SMYD3: variants seen among roughly 807,000 people sequenced by gnomAD.
The protein encoded by SMYD3 is histone-lysine N-methyltransferase SMYD3.
A neutral mutation model predicts 57.7 loss-of-function variants in SMYD3; 36 were observed. The observed-to-expected ratio is 0.62, with a 90% CI of 0.48 to 0.82. The LOEUF is 0.82. SMYD3 is among the 40% of genes least tolerant of loss of function. The pLI, the probability that SMYD3 is intolerant of heterozygous loss-of-function variation, is 0.00. For synonymous variants in SMYD3, 211 were observed against 195.0 expected (o/e 1.08, Z -0.68); for missense variants, 515 against 538.8 (o/e 0.96, Z 0.44).
chr1:245,768,358 C>T lies in SMYD3; in HGVS notation c.1077-4209G>A, dbSNP rs146030986. Among the ~76,000 whole-genome samples the T allele has an allele frequency of 4.2e-3, 638 of 152,312 alleles. 3 individuals carry two copies. The highest frequency in any genetic ancestry group is 0.015 in the African/African-American group (615 of 41,576). On this transcript the variant is annotated intron_variant, in intron 10 of 11. Coordinates refer to ENST00000490107, the MANE Select transcript of SMYD3 (RefSeq NM_001167740.2). ...ACCAAGATCTTACTGATATATTTTA[C>T]AGGGAGGCTGAAAGTCAGGGAACTG... is the stretch of plus-strand genomic sequence containing the variant.
chr1:245,814,886 G>GCA (rs2048713021), intron 10 of SMYD3, among the ~76,000 whole-genome samples: 1 of 150,180 alleles, frequency 6.7e-6, no homozygotes, highest in Admixed American at 6.6e-5. Context: ...ACGCACACAC[G>GCA]CATGCACACA....
rs973981042 is a variant in SMYD3 at position 246,355,644 on chromosome 1, T to C, written c.165-550A>G. On this transcript the variant is annotated intron_variant, in intron 1 of 11. Coordinates refer to ENST00000490107, the MANE Select transcript of SMYD3 (RefSeq NM_001167740.2). The surrounding 1 kb of genome is among the most constrained non-coding windows in gnomAD (Gnocchi z 5.0). ...CCAGCCTTTAGGACTGCGGGCTGTGTGGGAGTGGGATGAGGCCTGTGACTG... is the reference window on the plus strand; with the variant it reads ...CCAGCCTTTAGGACTGCGGGCTGTGCGGGAGTGGGATGAGGCCTGTGACTG... Among the ~76,000 whole-genome samples, 2 of 152,074 alleles carry C rather than the reference T, an allele frequency of 1.3e-5. No homozygotes were observed. Among genetic ancestry groups the C allele is most frequent in the African/African-American group, 2.4e-5 (1 of 41,398 alleles).
intron 8 of SMYD3, among the ~76,000 whole-genome samples, chr1:245,872,208 TAAAAG>T (rs1357574402): frequency 1.3e-5 from 2 of 152,266 alleles, no homozygotes; most frequent in African/African-American, 4.8e-5. Context: ...AAATTGGCTT[TAAAAG>T]GTTATTTTTT....
Position 246,247,449 on chromosome 1 carries a change from C to A in SMYD3, c.531+79752G>T, listed in dbSNP as rs1230384739. 0.02 allele frequency among the ~76,000 whole-genome samples: 1,729 copies of A among 86,272 alleles called. 135 individuals are homozygous for A. In the East Asian group the frequency reaches 0.4, roughly 20 times the overall value. 56.6% of individuals were successfully genotyped at this position (86,272 alleles called of 152,430 possible). On this transcript the variant is annotated intron_variant, in intron 5 of 11. Coordinates refer to ENST00000490107, the MANE Select transcript of SMYD3 (RefSeq NM_001167740.2). Reference sequence around the variant, plus strand: ...GTTTAAGAAAGAGAAGGATAACTCTCTCTCTCTCTCTCTCTCTATATATAT... The same window carrying A: ...GTTTAAGAAAGAGAAGGATAACTCTATCTCTCTCTCTCTCTCTATATATAT...
intron 5 of SMYD3, among the ~76,000 whole-genome samples, chr1:246,236,445 C>A (rs547526603): frequency 3.3e-5 from 5 of 152,032 alleles, no homozygotes; most frequent in African/African-American, 1.2e-4. Context: ...GATGGAGTCT[C>A]ACTCTGTCGC....
chr1:246,374,737 C>A (rs1295717681), intron 1 of SMYD3, among the ~76,000 whole-genome samples: 2 of 151,898 alleles, frequency 1.3e-5, no homozygotes, highest in Admixed American at 6.6e-5. Context: ...GAGTGTGAGG[C>A]CGAGGTTGGT....
chr1:246,414,133 G>C (rs940706253), intron 1 of SMYD3, among the ~76,000 whole-genome samples: 1 of 152,062 alleles, frequency 6.6e-6, no homozygotes, highest in East Asian at 1.9e-4. Flanking sequence ...TGGAATCCAG[G>C]CTCCTCCTAC....
intron 1 of SMYD3, among the ~76,000 whole-genome samples, chr1:246,368,794 G>A (rs1016938297): frequency 5.3e-5 from 8 of 152,216 alleles, no homozygotes; most frequent in South Asian, 4.2e-4. Context: ...TTAGTCTCCC[G>A]ACCTACACCT....
intron 5 of SMYD3, among the ~76,000 whole-genome samples, chr1:246,171,009 T>C (rs2062320977): frequency 6.6e-6 from 1 of 152,200 alleles, no homozygotes; most frequent in Non-Finnish European, 1.5e-5. Context: ...TTTCATAGTC[T>C]ACAAATTACT....
chr1:246,030,005 T>C (rs1196480025), intron 5 of SMYD3, among the ~76,000 whole-genome samples: 1 of 133,842 alleles, frequency 7.5e-6, no homozygotes, highest in Non-Finnish European at 1.5e-5. Context: ...TTTCTTTCTT[T>C]CTTTTTTTTT....
At chr1:245,752,281 A>T (rs1404558142) in intron 11 of SMYD3, among the ~76,000 whole-genome samples, 1 of 152,154 alleles carries the variant, frequency 6.6e-6, no homozygotes, top group Admixed American at 6.5e-5. Flanking sequence ...CGTCCTGAAA[A>T]AGGCCAGACC....
chr1:246,268,851 A>G (rs1457109850), intron 5 of SMYD3, among the ~76,000 whole-genome samples: 2 of 151,844 alleles, frequency 1.3e-5, no homozygotes, highest in African/African-American at 4.8e-5. Context: ...TGCACCATGG[A>G]CTCGCCCTGA....
chr1:246,327,635 T>C (rs1210125711), intron 4 of SMYD3, among the ~76,000 whole-genome samples: 1 of 152,238 alleles, frequency 6.6e-6, no homozygotes, highest in Non-Finnish European at 1.5e-5. Flanking sequence ...CCAGATTTTC[T>C]ACATCATTCT....
intron 1 of SMYD3, among the ~76,000 whole-genome samples, chr1:246,466,080 A>G (rs1199146582): frequency 1.3e-5 from 2 of 152,156 alleles, no homozygotes; most frequent in Non-Finnish European, 2.9e-5. Flanking sequence ...CCACTTATAC[A>G]CTGTTGGTGG....
chr1:246,071,928 A>G (rs201445658), intron 5 of SMYD3, among the ~76,000 whole-genome samples: 405 of 113,400 alleles, frequency 3.6e-3, no homozygotes, highest in African/African-American at 0.01. Context: ...TGTGCTTTCC[A>G]CTGTGCTCAC....
intron 5 of SMYD3, among the ~76,000 whole-genome samples, chr1:246,250,928 T>A (rs1040315244): frequency 6.6e-6 from 1 of 152,242 alleles, no homozygotes; most frequent in African/African-American, 2.4e-5. Context: ...ATCCTATGCA[T>A]AAGTTTGGCA....
At chr1:245,925,170 A>C (rs531627510) in intron 7 of SMYD3, among the ~76,000 whole-genome samples, 1 of 152,256 alleles carries the variant, frequency 6.6e-6, no homozygotes, top group African/African-American at 2.4e-5. Flanking sequence ...GAAATTACCA[A>C]AATGTCTAAA....
chr1:246,315,982 T>A (rs1182450768), intron 5 of SMYD3, among the ~76,000 whole-genome samples: 4 of 152,214 alleles, frequency 2.6e-5, no homozygotes, highest in Non-Finnish European at 5.9e-5. Flanking sequence ...TAGAGCAGTT[T>A]ATCACAGTTT....
intron 10 of SMYD3, among the ~76,000 whole-genome samples, chr1:245,787,718 T>C (rs937001422): frequency 6.6e-6 from 1 of 152,142 alleles, no homozygotes; most frequent in African/African-American, 2.4e-5. Flanking sequence ...AGGGAGAAAT[T>C]CTTATCAACT....
Sources: allele counts gnomAD v4.1 joint callset (sites outside exome capture counted in the v4.1 genomes callset), GRCh38; gene constraint gnomAD v4.1.1; non-coding constraint Gnocchi (gnomAD v3.1); transcripts MANE v1.5; gene names NCBI Gene and HGNC (gene_info 2026-07-23, HGNC 2026-07-21).